LMTK2: variants seen among roughly 807,000 people sequenced by gnomAD.
The protein encoded by LMTK2 is serine/threonine-protein kinase LMTK2.
LMTK2 carries 37 observed loss-of-function variants against 127.5 expected under a neutral mutation model. The observed-to-expected ratio is 0.29, with a 90% CI of 0.22 to 0.38. LMTK2 has a LOEUF of 0.38. LMTK2 is among the 10% of genes least tolerant of loss of function. The pLI is 1.00. For synonymous variants in LMTK2, 819 were observed against 810.1 expected (o/e 1.01, Z -0.19); for missense variants, 1,694 against 1,920.3 (o/e 0.88, Z 2.20).
rs1307838144 is a variant in LMTK2 at position 98,140,134 on chromosome 7, CTTTCTTTCTTTTCT to C, written c.232-1255_232-1242del. Among the ~76,000 whole-genome samples the C allele has an allele frequency of 7.7e-3, 140 of 18,068 alleles. 7 individuals carry two copies. Among genetic ancestry groups the C allele is most frequent in the African/African-American group, 0.027 (129 of 4,784 alleles). 11.9% of individuals were successfully genotyped at this position (18,068 alleles called of 152,430 possible). A position where few individuals can be genotyped will look rare whatever the true frequency, so the allele number is the denominator to read the frequency against. On this transcript the variant is annotated intron_variant, in intron 2 of 13. Coordinates refer to ENST00000297293, the MANE Select transcript of LMTK2 (RefSeq NM_014916.4). ...TCTTTCTTTCTTTCTTTCTTTCTTT[CTTTCTTTCTTTTCT>C]TTTCTTTTCTTTTCTTTTCTTTTCT...
intron 1 of LMTK2, among the ~76,000 whole-genome samples, chr7:98,107,734 T>C (rs772810861): frequency 3.3e-5 from 5 of 152,222 alleles, no homozygotes; most frequent in Non-Finnish European, 7.3e-5. Flanking sequence ...TTGCAACTTA[T>C]TCTGAAGTTG....
At chr7:98,185,751 G>T (rs1288221556) in intron 8 of LMTK2, among the ~76,000 whole-genome samples, 2 of 150,254 alleles carry the variant, frequency 1.3e-5, no homozygotes, top group Admixed American at 1.3e-4. Context: ...TTTTTTAAAC[G>T]GAGTCTTGCT....
intron 4 of LMTK2, among the ~76,000 whole-genome samples, chr7:98,151,992 G>A (rs185746825): frequency 3.3e-5 from 5 of 152,230 alleles, no homozygotes; most frequent in African/African-American, 1.2e-4. Context: ...TAAAAAAAAA[G>A]TATCTGAGAC....
At position 98,171,825 on chromosome 7, in the gene LMTK2, C is replaced by T. The variant is rs908847482; in HGVS notation, c.791+151C>T. The T allele has an allele frequency of 5.3e-5, 44 of 827,020 alleles. No individual in the cohort carries two copies. The highest frequency in any genetic ancestry group is 3.7e-4 in the South Asian group (18 of 48,410). 51.2% of individuals were successfully genotyped at this position (827,020 alleles called of 1,614,324 possible). A position where few individuals can be genotyped will look rare whatever the true frequency, so the allele number is the denominator to read the frequency against. On this transcript the variant is annotated intron_variant, in intron 7 of 13. Coordinates refer to ENST00000297293, the MANE Select transcript of LMTK2 (RefSeq NM_014916.4). This position sits in a 1 kb window ranked among gnomAD's most constrained non-coding sequence, Gnocchi z 5.1. ...AAGCGATCTCGTTCTTACCCATGTC[C>T]GGATAAGGGTTGAGTTGGGCTTCAT...
At position 98,112,206 on chromosome 7, in the gene LMTK2, T is replaced by C. The variant is rs986974466; in HGVS notation, c.103+4926T>C. Among the ~76,000 whole-genome samples the C allele has an allele frequency of 1.9e-4, 28 of 148,574 alleles. 2 individuals carry two copies. The East Asian group carries it at 5.0e-3, about 27-fold the overall frequency. ...TTTTTCTTTCTCCCTCTCATTTTTC[T>C]TTTTTTTAAGAGACAGGATCTTGCT... On this transcript the variant is annotated intron_variant, in intron 1 of 13. Coordinates refer to ENST00000297293, the MANE Select transcript of LMTK2 (RefSeq NM_014916.4).
In LMTK2 at chr7:98,128,632, G is replaced by A. The variant is rs535204098; in HGVS notation, c.104-8683G>A. Among the ~76,000 whole-genome samples the A allele has an allele frequency of 4.6e-5, 7 of 152,306 alleles. No individual in the cohort carries two copies. The South Asian group carries it at 1.0e-3, about 23-fold the overall frequency. On this transcript the variant is annotated intron_variant, in intron 1 of 13. Transcript: ENST00000297293. ...ATTCCTGTTTTGTTCCTAAACACAC[G>A]TTGGCATAGAGGTCCGAGGGCTGTG...
At chr7:98,175,312 A>G (rs1797260568) in intron 7 of LMTK2, among the ~76,000 whole-genome samples, 1 of 152,202 alleles carries the variant, frequency 6.6e-6, no homozygotes, top group Admixed American at 6.5e-5. Context: ...GATGATGTAT[A>G]TGGTAGGAGG....
chr7:98,205,368 C>T (rs1033177291), intron 13 of LMTK2, 96 bp from the exon 14 acceptor site: 7 of 1,462,342 alleles, frequency 4.8e-6, no homozygotes, highest in African/African-American at 2.8e-5. Flanking sequence ...CACCCGCTTC[C>T]GTTCCTGTGG....
intron 4 of LMTK2, among the ~76,000 whole-genome samples, chr7:98,151,983 A>G (rs1796864369): frequency 6.6e-6 from 1 of 151,198 alleles, no homozygotes; most frequent in South Asian, 2.1e-4. Flanking sequence ...AAAGGCCTTT[A>G]AAAAAAAAGT....
intron 3 of LMTK2, among the ~76,000 whole-genome samples, chr7:98,142,631 A>G (rs1186798824): frequency 2.0e-5 from 3 of 152,358 alleles, no homozygotes; most frequent in South Asian, 4.1e-4. Flanking sequence ...GAGCTTTTAC[A>G]GGCCCATAGT....
chr7:98,198,283 C>T (rs1169036170), intron 11 of LMTK2, among the ~76,000 whole-genome samples: 1 of 151,950 alleles, frequency 6.6e-6, no homozygotes, highest in African/African-American at 2.4e-5. Flanking sequence ...CTCCGCCTCC[C>T]GCGTTCAAGC....
chr7:98,161,240 A>G lies in LMTK2; in HGVS notation c.657+1815A>G, dbSNP rs144162155. ...TCTGGACTTGAGATATTTGTTTCTT[A>G]ATTTTTTGTGTGGTCGCACTAGAAA... On this transcript the variant is annotated intron_variant, in intron 6 of 13. Transcript: ENST00000297293. 5.1e-4 allele frequency among the ~76,000 whole-genome samples: 78 copies of G among 151,770 alleles called. No individual in the cohort carries two copies. In the East Asian group the frequency reaches 0.015, roughly 28 times the overall value.
At chr7:98,202,986 A>C (rs1464795991) in intron 11 of LMTK2, among the ~76,000 whole-genome samples, 1 of 152,174 alleles carries the variant, frequency 6.6e-6, no homozygotes, top group African/African-American at 2.4e-5. Context: ...AAACTCAGCG[A>C]GGGTCCCCTC....
At chr7:98,172,545 C>A (rs1280215927) in intron 7 of LMTK2, among the ~76,000 whole-genome samples, 1 of 152,126 alleles carries the variant, frequency 6.6e-6, no homozygotes, top group Non-Finnish European at 1.5e-5. Context: ...AAGGAGATTT[C>A]TGCTTATTCT....
At chr7:98,110,674 A>G (rs1796189104) in intron 1 of LMTK2, among the ~76,000 whole-genome samples, 1 of 152,224 alleles carries the variant, frequency 6.6e-6, no homozygotes. Flanking sequence ...AAGATCTTGT[A>G]TATGTGAACG....
chr7:98,193,684 T>C lies in LMTK2; in HGVS notation c.3219T>C (p.Ile1073=), dbSNP rs572730019. 13 of 1,613,650 alleles carry C rather than the reference T, an allele frequency of 8.1e-6. No individual in the cohort carries two copies. The highest frequency in any genetic ancestry group is 1.0e-5 in the Non-Finnish European group (12 of 1,179,948). The change falls in exon 11 of 14, where the codon ATT becomes ATC. Residue 1073 remains isoleucine, a synonymous_variant. Transcript: ENST00000297293. The surrounding 1 kb of genome is among the most constrained non-coding windows in gnomAD (Gnocchi z 4.1). ...GCGGTCTGCCTCCCAACCCGGTCAT[T>C]GTCATCTCAGATGCCGGCGATGGTC... ...GHSGLPPNPV[I]VISDAGDGHR...
chr7:98,141,641 T>C lies in LMTK2; in HGVS notation c.376+100T>C. 2.6e-6 allele frequency: 3 copies of C among 1,158,826 alleles called. No homozygotes were observed. In the South Asian group the frequency reaches 4.2e-5, roughly 16 times the overall value. The allele number at this position is 1,158,826 out of a possible 1,614,324, so 71.8% of individuals were successfully genotyped here. A position where few individuals can be genotyped will look rare whatever the true frequency, so the allele number is the denominator to read the frequency against. On this transcript the variant is annotated intron_variant, in intron 3 of 13. Coordinates refer to ENST00000297293, the MANE Select transcript of LMTK2 (RefSeq NM_014916.4). The stretch of plus-strand genomic sequence containing the variant: ...AAATATTGGACTGCCCATCTCCTCT[T>C]TGGTTTATTTCTCTTCCTTCTGCTC...
At chr7:98,177,061 G>A (rs1176682187) in intron 7 of LMTK2, among the ~76,000 whole-genome samples, 3 of 151,460 alleles carry the variant, frequency 2.0e-5, no homozygotes, top group Non-Finnish European at 2.9e-5. Context: ...GTTAACCACC[G>A]AGCTACACCA....
At chr7:98,197,356 C>T (rs985456902) in intron 11 of LMTK2, among the ~76,000 whole-genome samples, 3 of 152,222 alleles carry the variant, frequency 2.0e-5, no homozygotes, top group Non-Finnish European at 2.9e-5. Flanking sequence ...TCTCCTGGAC[C>T]GAGCACAGAA....
Sources: gnomAD v4.1 joint callset for allele counts (sites outside exome capture counted in the v4.1 genomes callset) on GRCh38, gnomAD v4.1.1 for gene constraint, Gnocchi (gnomAD v3.1) non-coding constraint, MANE v1.5 for transcripts, NCBI Gene and HGNC (gene_info 2026-07-23, HGNC 2026-07-21) for gene names.